Variants in PIGL observed in about 807,000 individuals in gnomAD.
PIGL encodes N-acetylglucosaminyl-phosphatidylinositol de-N-acetylase.
Under a neutral mutation model 31.1 loss-of-function variants are expected in PIGL, and 22 were observed. That is an observed-to-expected ratio of 0.71 (90% confidence interval 0.51 to 1.01). The LOEUF (loss-of-function observed/expected upper bound fraction) is 1.01. PIGL is among the 50% of genes least tolerant of loss of function. The pLI is 0.00. For missense variants in PIGL, 302 were observed against 315.9 expected (o/e 0.96, Z 0.33); for synonymous variants, 131 against 117.4 (o/e 1.12, Z -0.75).
intron 1 of PIGL, among the ~76,000 whole-genome samples, chr17:16,230,138 G>A (rs1417842777): frequency 6.6e-6 from 1 of 152,124 alleles, no homozygotes; most frequent in Non-Finnish European, 1.5e-5. Flanking sequence ...TGGGATTACA[G>A]GCATGAGGCA....
At chr17:16,251,697 G>C (rs555257925) in intron 2 of PIGL, among the ~76,000 whole-genome samples, 1 of 151,172 alleles carries the variant, frequency 6.6e-6, no homozygotes, top group East Asian at 1.9e-4. Flanking sequence ...TAAAATGCAT[G>C]CTGCACAGAT....
chr17:16,229,351 T>G (rs905314767), intron 1 of PIGL, among the ~76,000 whole-genome samples: 4 of 151,936 alleles, frequency 2.6e-5, no homozygotes, highest in African/African-American at 9.7e-5. Context: ...TATATATGTA[T>G]GTATATATAC....
At chr17:16,252,544 C>G (rs1022332505) in intron 2 of PIGL, among the ~76,000 whole-genome samples, 2 of 149,768 alleles carry the variant, frequency 1.3e-5, no homozygotes, top group South Asian at 2.1e-4. Flanking sequence ...TTTTAGTAAG[C>G]CTTTATTACT....
intron 2 of PIGL, among the ~76,000 whole-genome samples, chr17:16,291,076 G>T (rs1385408046): frequency 6.6e-6 from 1 of 152,212 alleles, no homozygotes; most frequent in Non-Finnish European, 1.5e-5. Flanking sequence ...TTTCCAAGGA[G>T]AGTCAGTTAA....
At chr17:16,304,694 T>C (rs2093019495) in intron 3 of PIGL, among the ~76,000 whole-genome samples, 2 of 152,210 alleles carry the variant, frequency 1.3e-5, no homozygotes, top group African/African-American at 2.4e-5. Context: ...CTCTGGGTGT[T>C]AAGCAGGCTA....
At chr17:16,250,487 T>C (rs1439823385) in intron 2 of PIGL, among the ~76,000 whole-genome samples, 1 of 152,118 alleles carries the variant, frequency 6.6e-6, no homozygotes, top group Non-Finnish European at 1.5e-5. Context: ...CAACCTAACA[T>C]GAATTTGGAG....
chr17:16,241,435 A>G (rs1200766087), intron 2 of PIGL, among the ~76,000 whole-genome samples: 2 of 151,684 alleles, frequency 1.3e-5, no homozygotes, highest in Non-Finnish European at 2.9e-5. Flanking sequence ...CTAAAAATAC[A>G]AAATTAGCCG....
intron 2 of PIGL, among the ~76,000 whole-genome samples, chr17:16,236,860 C>T (rs1056331141): frequency 1.4e-4 from 21 of 152,268 alleles, no homozygotes; most frequent in African/African-American, 4.8e-5. Context: ...TGAGCCACCA[C>T]GCCTGGCCGC....
At chr17:16,236,412 T>C (rs994714960) in intron 2 of PIGL, among the ~76,000 whole-genome samples, 7 of 152,200 alleles carry the variant, frequency 4.6e-5, no homozygotes, top group African/African-American at 1.2e-4. Flanking sequence ...TTCCTTCCTT[T>C]CTTTCAAGTA....
chr17:16,282,308 G>A (rs550038242), intron 2 of PIGL, among the ~76,000 whole-genome samples: 25 of 152,246 alleles, frequency 1.6e-4, no homozygotes, highest in African/African-American at 4.8e-4. Flanking sequence ...CACGAGGGAG[G>A]TAGAAAGACT....
chr17:16,232,784 A>C lies in PIGL; in HGVS notation c.236-1187A>C, dbSNP rs546319445. ...TTTATGACTTAAAAAAAAAAAACGCAAAAAAAGGTATGATGAGGACAATAC... is the reference window on the plus strand; with the variant it reads ...TTTATGACTTAAAAAAAAAAAACGCCAAAAAAGGTATGATGAGGACAATAC... On this transcript the variant is annotated intron_variant, in intron 1 of 6. Transcript: ENST00000225609. Among the ~76,000 whole-genome samples the C allele has an allele frequency of 2.7e-5, 4 of 149,160 alleles. No individual in the cohort carries two copies. The South Asian group carries it at 6.3e-4, about 24-fold the overall frequency.
Position 16,258,039 on chromosome 17 carries a change from G to C in PIGL, c.335+23969G>C, listed in dbSNP as rs556968822. ...GATAGCGCCACTGCACTCCAGCCTG[G>C]GCCACAGGAGCAAAACTTTGTCAGA... On this transcript the variant is annotated intron_variant, in intron 2 of 6. Transcript: ENST00000225609. Among the ~76,000 whole-genome samples, 463 of 134,914 alleles carry C rather than the reference G, an allele frequency of 3.4e-3. 4 individuals carry two copies. Among genetic ancestry groups the C allele is most frequent in the Middle Eastern group, 0.012 (3 of 244 alleles). 88.5% of individuals were successfully genotyped at this position (134,914 alleles called of 152,430 possible).
intron 2 of PIGL, among the ~76,000 whole-genome samples, chr17:16,278,713 CA>C (rs57913710): frequency 7.9e-4 from 117 of 147,628 alleles, no homozygotes; most frequent in Non-Finnish European, 8.1e-4. Context: ...TAAATCTAGG[CA>C]AAAAAAAAAA....
At chr17:16,217,610 G>GC in intron 1 of PIGL, 149 bp downstream of exon 1, 66 of 614,240 alleles carry the variant, frequency 1.1e-4, no homozygotes, top group South Asian at 4.2e-4. Flanking sequence ...CACAGCCTAG[G>GC]GACAGGAGCG....
chr17:16,272,027 G>A (rs1190259221), intron 2 of PIGL, among the ~76,000 whole-genome samples: 2 of 152,096 alleles, frequency 1.3e-5, no homozygotes, highest in South Asian at 2.1e-4. Context: ...TCCATGCCCA[G>A]CTTAAAATCA....
chr17:16,297,085 G>A (rs1405830192), intron 2 of PIGL, among the ~76,000 whole-genome samples: 1 of 152,174 alleles, frequency 6.6e-6, no homozygotes, highest in East Asian at 1.9e-4. Flanking sequence ...TAATGAGAAA[G>A]GAAGTGAATC....
chr17:16,301,058 A>C (rs943443556), intron 3 of PIGL, among the ~76,000 whole-genome samples: 2 of 152,222 alleles, frequency 1.3e-5, no homozygotes. Flanking sequence ...CCACATTTAA[A>C]GCCTCACCAT....
At chr17:16,224,403 T>G (rs2092642693) in intron 1 of PIGL, among the ~76,000 whole-genome samples, 1 of 151,826 alleles carries the variant, frequency 6.6e-6, no homozygotes, top group South Asian at 2.1e-4. Flanking sequence ...GCCTCCTGGA[T>G]TCAAGTGATC....
intron 1 of PIGL, among the ~76,000 whole-genome samples, chr17:16,220,510 G>T (rs2092623322): frequency 1.7e-5 from 2 of 117,990 alleles, no homozygotes; most frequent in South Asian, 2.9e-4. Context: ...TTTTTTTGAG[G>T]CAGAGTCTCA....
Sources: allele counts gnomAD v4.1 joint callset (sites outside exome capture counted in the v4.1 genomes callset), GRCh38; gene constraint gnomAD v4.1.1; transcripts MANE v1.5; gene names NCBI Gene and HGNC (gene_info 2026-07-23, HGNC 2026-07-21).